Variants in BANP observed in about 807,000 individuals in gnomAD.
BANP encodes BTG3 associated nuclear protein.
Under a neutral mutation model 68.1 loss-of-function variants are expected in BANP, and 11 were observed. That is an observed-to-expected ratio of 0.16 (90% CI 0.10 to 0.27). BANP has a LOEUF of 0.27. Ranked by LOEUF, BANP falls within the 10% of genes least tolerant of loss-of-function variation. The probability of loss-of-function intolerance (pLI) is 1.00; values close to 1 mark genes in which losing one functional copy is unlikely to be tolerated. For synonymous variants in BANP, 329 were observed against 303.2 expected (o/e 1.09, Z -0.88); for missense variants, 504 against 722.7 (o/e 0.70, Z 3.47).
rs781503676 is a variant in BANP, at chr16:88,027,634, C to G, written c.1047C>G (p.Ser349=). The G allele has an allele frequency of 3.7e-6, 6 of 1,613,374 alleles. No individual in the cohort carries two copies. Among genetic ancestry groups the G allele is most frequent in the South Asian group, 3.3e-5 (3 of 91,068 alleles). Residue 349 remains serine (S), a synonymous_variant, in exon 8 of 14, where the codon TCC becomes TCG. Transcript: ENST00000682872. ...TCTCGCGGAGAACGCCCAACTCGTC[C>G]TCCTACTGCCCTTCAGGTAGGCCTC... ...KSFSRRTPNS[S]SYCPSEPMMS...
At chr16:87,992,790 C>CAA (rs67037373) in intron 4 of BANP, among the ~76,000 whole-genome samples, 2,377 of 136,508 alleles carry the variant, frequency 0.017, 56 homozygotes, top group African/African-American at 0.058. Context: ...TGAGACTCCT[C>CAA]AAAAAAAAAA....
chr16:88,053,604 C>G (rs1402556470), intron 11 of BANP, among the ~76,000 whole-genome samples: 4 of 146,644 alleles, frequency 2.7e-5, no homozygotes, highest in African/African-American at 1.0e-4. Flanking sequence ...ACACAACCAC[C>G]CTAACGACTA....
Position 87,980,945 on chromosome 16 carries a change from A to C in BANP, c.71-91A>C, listed in dbSNP as rs1479387479. The C allele has an allele frequency of 2.9e-5, 24 of 819,990 alleles. 1 individual carries two copies. The South Asian group carries it at 3.3e-4, about 11-fold the overall frequency. 50.8% of individuals were successfully genotyped at this position (819,990 alleles called of 1,614,324 possible). On this transcript the variant is annotated intron_variant, in intron 2 of 13. Transcript: ENST00000682872. The stretch of plus-strand genomic sequence containing the variant: ...GTTCTGCTGTTTCTCCTTCAACCTT[A>C]AGGTGTCAGCACTGTTTACTATCTT...
At chr16:87,962,965 A>T (rs968941558) in intron 1 of BANP, among the ~76,000 whole-genome samples, 6 of 152,070 alleles carry the variant, frequency 3.9e-5, no homozygotes, top group African/African-American at 1.4e-4. Flanking sequence ...TCCTTTCTAG[A>T]CTTACATCCC....
In BANP at chr16:88,003,039, C is replaced by T. The variant is rs1009472227; in HGVS notation, c.363-1256C>T. Among the ~76,000 whole-genome samples the T allele has an allele frequency of 6.6e-6, 1 of 152,144 alleles. No individual in the cohort carries two copies. The highest frequency in any genetic ancestry group is 1.5e-5 in the Non-Finnish European group (1 of 68,044). On this transcript the variant is annotated intron_variant, in intron 4 of 13. Coordinates refer to ENST00000682872, the MANE Select transcript of BANP (RefSeq NM_001386991.1). The surrounding 1 kb of genome is among the most constrained non-coding windows in gnomAD (Gnocchi z 6.1). ...TACCAAGCTCGTGCAAGTCAGGTAGCCTCTCCAGTTCTACATCTCTGAGGA... is the reference window on the plus strand; with the variant it reads ...TACCAAGCTCGTGCAAGTCAGGTAGTCTCTCCAGTTCTACATCTCTGAGGA...
chr16:88,054,788 G>C (rs551192636), intron 11 of BANP, among the ~76,000 whole-genome samples: 1 of 152,216 alleles, frequency 6.6e-6, no homozygotes, highest in Non-Finnish European at 1.5e-5. Context: ...TGTAGGCCTT[G>C]AGTAGTAGCT....
chr16:88,058,736 C>T (rs568850370), intron 11 of BANP, among the ~76,000 whole-genome samples: 91 of 152,064 alleles, frequency 6.0e-4, no homozygotes, highest in African/African-American at 2.1e-3. Flanking sequence ...TAAGAAGCAA[C>T]TCGGACCCAT....
At chr16:87,967,305 C>T (rs2060213242) in intron 1 of BANP, among the ~76,000 whole-genome samples, 2 of 122,772 alleles carry the variant, frequency 1.6e-5, no homozygotes, top group South Asian at 2.8e-4. Context: ...GACGGGGTTT[C>T]ACCCTGTTAG....
chr16:88,054,384 T>C (rs1471724662), intron 11 of BANP, among the ~76,000 whole-genome samples: 1 of 132,232 alleles, frequency 7.6e-6, no homozygotes, highest in Non-Finnish European at 1.7e-5. Context: ...CCACCACCTC[T>C]ACTATCTCCA....
intron 1 of BANP, among the ~76,000 whole-genome samples, chr16:87,962,250 A>AAAAAAAAAAAAAAAAACAC (rs2059314005): frequency 6.7e-6 from 1 of 148,170 alleles, no homozygotes; most frequent in Non-Finnish European, 1.5e-5. Context: ...AAAAAAAAAA[A>AAAAAAAAAAAAAAAAACAC]AAAAAAGAAA....
intron 1 of BANP, among the ~76,000 whole-genome samples, chr16:87,953,344 G>C (rs1382105948): frequency 1.3e-5 from 2 of 152,106 alleles, no homozygotes; most frequent in Non-Finnish European, 2.9e-5. Context: ...GGTTTCTTTA[G>C]GTCATTCTCC....
chr16:88,060,960 C>T (rs1037889054), intron 11 of BANP, among the ~76,000 whole-genome samples: 5 of 151,712 alleles, frequency 3.3e-5, no homozygotes, highest in East Asian at 1.9e-4. Context: ...TAAACGTCCC[C>T]CACCCTGCCC....
chr16:88,058,462 T>C (rs2085740501), intron 11 of BANP, among the ~76,000 whole-genome samples: 1 of 152,240 alleles, frequency 6.6e-6, no homozygotes, highest in South Asian at 2.1e-4. Context: ...TGCTGTGGCT[T>C]CCTAAGTGAC....
rs2061780992 is a variant in BANP, at chr16:87,975,153, T to A, written c.38T>A (p.Ile13Asn). Residue 13 changes from isoleucine (I) to asparagine (N), a missense_variant, in exon 2 of 14, where the codon ATT becomes AAT. Physicochemically the swap from Ile to Asn is moderately radical, Grantham distance 149. Coordinates refer to ENST00000682872, the MANE Select transcript of BANP (RefSeq NM_001386991.1). ...SEHDLADVVQIAVEDLSPDHP... is the reference protein window; with the variant it reads ...SEHDLADVVQNAVEDLSPDHP... ...CACGACCTGGCCGATGTGGTTCAGA[T>A]TGCAGTGGAAGACCTGAGCCCTGAC... 6.2e-7 allele frequency: 1 copy of A among 1,614,054 alleles called. No homozygotes were observed. The highest frequency in any genetic ancestry group is 8.5e-7 in the Non-Finnish European group (1 of 1,180,012).
At chr16:88,044,741 T>C (rs940499967) in intron 11 of BANP, among the ~76,000 whole-genome samples, 2 of 152,224 alleles carry the variant, frequency 1.3e-5, no homozygotes, top group Admixed American at 1.3e-4. Context: ...CCCAGCACTT[T>C]GGGAGGCCGA....
intron 4 of BANP, among the ~76,000 whole-genome samples, chr16:87,995,258 T>C (rs2066881618): frequency 6.6e-6 from 1 of 152,254 alleles, no homozygotes; most frequent in African/African-American, 2.4e-5. Flanking sequence ...TGGGCTGCCC[T>C]GGCCTGGGGG....
Position 88,071,896 on chromosome 16 carries a change from C to A in BANP, c.1378-173C>A. ...CACTGGATCTGATGCGACTTGAGAG[C>A]GATGGGGAGACAGGATGTGCCGCAG... is the stretch of plus-strand genomic sequence containing the variant. On this transcript the variant is annotated intron_variant, in intron 12 of 13. Coordinates refer to ENST00000682872, the MANE Select transcript of BANP (RefSeq NM_001386991.1). The surrounding 1 kb of genome is among the most constrained non-coding windows in gnomAD (Gnocchi z 6.5). The A allele has an allele frequency of 1.2e-6, 1 of 834,242 alleles. No homozygotes were observed. The highest frequency in any genetic ancestry group is 2.0e-6 in the Non-Finnish European group (1 of 507,958). The allele number at this position is 834,242 out of a possible 1,614,324, so 51.7% of individuals were successfully genotyped here.
intron 4 of BANP, among the ~76,000 whole-genome samples, chr16:88,001,296 G>A (rs191943958): frequency 5.7e-5 from 6 of 105,258 alleles, no homozygotes; most frequent in South Asian, 2.8e-4. Flanking sequence ...CAACATGCAC[G>A]CACGTGCGCG....
intron 11 of BANP, among the ~76,000 whole-genome samples, chr16:88,052,952 C>A (rs1392863469): frequency 6.6e-6 from 1 of 151,688 alleles, no homozygotes; most frequent in African/African-American, 2.4e-5. Context: ...ACCACCTTCA[C>A]CACTATCATC....
Sources: allele counts gnomAD v4.1 joint callset (sites outside exome capture counted in the v4.1 genomes callset), GRCh38; gene constraint gnomAD v4.1.1; non-coding constraint Gnocchi (gnomAD v3.1); transcripts MANE v1.5; gene names NCBI Gene and HGNC (gene_info 2026-07-23, HGNC 2026-07-21).